Variants in SRPRB observed in about 807,000 individuals in gnomAD.
SRPRB encodes the protein SRP receptor subunit beta.
A neutral mutation model predicts 31.9 loss-of-function variants in SRPRB; 20 were observed. That is an observed-to-expected ratio of 0.63 (90% CI 0.44 to 0.91). SRPRB has a LOEUF of 0.91. SRPRB is among the 40% of genes least tolerant of loss of function. The pLI is 0.00. For synonymous variants in SRPRB, 146 were observed against 132.8 expected, an observed-to-expected ratio of 1.10 and a Z score of -0.68; for missense variants, 321 against 324.9, an observed-to-expected ratio of 0.99 and a Z score of 0.09.
At chr3:133,808,230 G>C (rs1251423953) in intron 3 of SRPRB, among the ~76,000 whole-genome samples, 6 of 152,112 alleles carry the variant, frequency 3.9e-5, no homozygotes, top group Middle Eastern at 3.4e-3. Flanking sequence ...CCACTACCTA[G>C]TTTTCTCCTC....
intron 6 of SRPRB, among the ~76,000 whole-genome samples, chr3:133,819,133 C>G (rs1395873507): frequency 6.6e-6 from 1 of 152,096 alleles, no homozygotes; most frequent in Non-Finnish European, 1.5e-5. Flanking sequence ...TTTCTAAACT[C>G]CATATCCAAA....
intron 3 of SRPRB, 93 bp from the exon 4 acceptor site, chr3:133,811,024 G>C: frequency 8.5e-7 from 1 of 1,170,794 alleles, no homozygotes; most frequent in Non-Finnish European, 1.2e-6. Flanking sequence ...GGTTAATTAG[G>C]TACCAGTTTG....
rs759544533 is a variant in SRPRB at position 133,805,865 on chromosome 3, C to T, written c.17C>T (p.Ser6Leu). MASAD[S>L]RRVADGGGAG... The stretch of plus-strand genomic sequence containing the variant: ...GTCTCATCCATGGCTTCCGCGGACT[C>T]GCGCCGGGTGGCAGATGGCGGCGGT... Residue 6 changes from serine to leucine, a missense_variant, in exon 1 of 7, where the codon TCG (serine) becomes TTG (leucine). By Grantham distance (145) the Ser-to-Leu change is moderately radical. Coordinates refer to ENST00000678299, the MANE Select transcript of SRPRB (RefSeq NM_001379313.1). 11 of 1,611,532 alleles carry T rather than the reference C, an allele frequency of 6.8e-6. No homozygotes were observed. The highest frequency in any genetic ancestry group is 1.3e-5 in the African/African-American group (1 of 75,018).
chr3:133,791,569 G>A (rs13324779), intron 1 of SRPRB: 51,352 of 152,044 alleles, frequency 0.34, 8,822 homozygotes, highest in Middle Eastern at 0.38. Flanking sequence ...TTCTGAGGCC[G>A]ATCTTAAGCT....
At chr3:133,798,458 C>T (rs920512519) in intron 1 of SRPRB, among the ~76,000 whole-genome samples, 1 of 152,056 alleles carries the variant, frequency 6.6e-6, no homozygotes, top group African/African-American at 2.4e-5. Context: ...TATTCTGTTG[C>T]TTTATGTTTC....
intron 1 of SRPRB, chr3:133,786,234 A>AAAAAAC (rs1553742162): frequency 2.6e-5 from 2 of 77,300 alleles, no homozygotes; most frequent in African/African-American, 6.9e-5. Flanking sequence ...AAAAAAAAAA[A>AAAAAAC]AAAAAACAAT....
chr3:133,811,293 G>A (rs1935257919), intron 4 of SRPRB, 94 bp downstream of exon 4: 15 of 1,334,400 alleles, frequency 1.1e-5, no homozygotes, highest in Middle Eastern at 1.8e-4. Context: ...TTGGGAGGCA[G>A]CATGGTATCC....
intron 6 of SRPRB, 29 bp downstream of exon 6, chr3:133,816,961 T>C: frequency 6.3e-7 from 1 of 1,582,830 alleles, no homozygotes; most frequent in Non-Finnish European, 8.6e-7. Flanking sequence ...TGTTGGTTAA[T>C]TATATATCTT....
chr3:133,805,680 A>G (rs768054639), upstream of SRPRB: 220 of 730,162 alleles, frequency 3.0e-4, no homozygotes, highest in Non-Finnish European at 4.2e-4. Flanking sequence ...CTGTAGGAGG[A>G]CGGAGTCCCA....
intron 1 of SRPRB, chr3:133,792,198 A>G (rs1396123308): frequency 1.3e-5 from 2 of 152,224 alleles, no homozygotes; most frequent in South Asian, 4.1e-4. Context: ...AAAGAAGGTT[A>G]TAAAGAAAGG....
chr3:133,819,822 T>C lies in SRPRB; in HGVS notation c.*56T>C. ...TGTGACACACAGTTTTGGAAAAAGG[T>C]CTGTGGTAGTCTGGAGTTGATGAGG... On this transcript the variant is annotated 3_prime_UTR_variant, in exon 7 of 7. Coordinates refer to ENST00000678299, the MANE Select transcript of SRPRB (RefSeq NM_001379313.1). 1 of 1,506,140 alleles carries C rather than the reference T, an allele frequency of 6.6e-7. No homozygotes were observed. 93.3% of individuals were successfully genotyped at this position (1,506,140 alleles called of 1,614,324 possible).
In SRPRB at chr3:133,789,879, G is replaced by GTTTTTT. The variant is rs56267966; in HGVS notation, c.-174+5759_-174+5764dup. 3.2e-3 allele frequency: 288 copies of GTTTTTT among 88,954 alleles called. 29 individuals carry two copies. The highest frequency in any genetic ancestry group is 5.1e-3 in the African/African-American group (94 of 18,256). 5.5% of individuals were successfully genotyped at this position (88,954 alleles called of 1,614,324 possible). ...GCCAAAACAAAACGATCTCGTTTGCGTTTTTTTTTTTTTTTTTTTTTTTTT... is the reference window on the plus strand; with the variant it reads ...GCCAAAACAAAACGATCTCGTTTGCGTTTTTTTTTTTTTTTTTTTTTTTTTTTTTTT... On this transcript the variant is annotated intron_variant, in intron 1 of 7. Transcript: ENST00000466490.
downstream of SRPRB, chr3:133,828,167 G>T (rs1015668800): frequency 5.1e-6 from 3 of 593,152 alleles, no homozygotes; most frequent in Non-Finnish European, 9.0e-6. Flanking sequence ...AGCTCCACAC[G>T]AGGTTGACGA....
chr3:133,803,102 T>C (rs1396276408), upstream of SRPRB, among the ~76,000 whole-genome samples: 2 of 152,226 alleles, frequency 1.3e-5, no homozygotes, highest in Non-Finnish European at 1.5e-5. Context: ...TCTGTCTCTG[T>C]ATTAGACTCT....
At chr3:133,805,317 G>A (rs1198128865), upstream of SRPRB, among the ~76,000 whole-genome samples, 3 of 151,958 alleles carry the variant, frequency 2.0e-5, no homozygotes, top group Non-Finnish European at 4.4e-5. Flanking sequence ...TTAACCACTC[G>A]CAGATGCTAA....
chr3:133,787,915 T>A (rs1001896090), intron 1 of SRPRB: 2 of 152,222 alleles, frequency 1.3e-5, no homozygotes, highest in Non-Finnish European at 2.9e-5. Context: ...GACTATCTTC[T>A]GAAAACGACT....
At chr3:133,790,649 C>T (rs552288783) in intron 1 of SRPRB, 8 of 152,296 alleles carry the variant, frequency 5.3e-5, no homozygotes, top group South Asian at 4.1e-4. Context: ...AGAAATGCAT[C>T]GGCAGTTTGG....
chr3:133,818,931 A>G (rs1421404079), intron 6 of SRPRB, among the ~76,000 whole-genome samples: 1 of 152,144 alleles, frequency 6.6e-6, no homozygotes, highest in East Asian at 1.9e-4. Flanking sequence ...GAAGATTGGC[A>G]GCATGTATTC....
intron 1 of SRPRB, 111 bp downstream of exon 1, chr3:133,806,113 A>G: frequency 1.4e-6 from 2 of 1,417,622 alleles, no homozygotes; most frequent in Non-Finnish European, 9.5e-7. Context: ...TGAGGGCATC[A>G]GGAGGGTGAG....
Sources: allele counts gnomAD v4.1 joint callset (sites outside exome capture counted in the v4.1 genomes callset), GRCh38; gene constraint gnomAD v4.1.1; transcripts MANE v1.5; gene names NCBI Gene and HGNC (gene_info 2026-07-23, HGNC 2026-07-21).